The following LAMA3 variants were observed in gnomAD, a reference collection of about 807,000 sequenced individuals.
LAMA3 encodes the protein laminin subunit alpha 3, also known as laminin subunit alpha-3.
A neutral mutation model predicts 402.0 loss-of-function variants in LAMA3; 281 were observed. The ratio of observed to expected loss-of-function variants is 0.70; its 90% CI spans 0.63 to 0.77. The LOEUF is 0.77. LAMA3 is among the 30% of genes least tolerant of loss of function. The pLI, the probability that LAMA3 is intolerant of heterozygous loss-of-function variation, is 0.00. For synonymous variants in LAMA3, 1,431 were observed against 1,558.4 expected, an observed-to-expected ratio of 0.92 and a Z score of 1.93; for missense variants, 3,840 against 4,215.5, an observed-to-expected ratio of 0.91 and a Z score of 2.47.
chr18:23,932,374 C>T, intron 66 of LAMA3, 83 bp downstream of exon 66: 1 of 1,453,274 alleles, frequency 6.9e-7, no homozygotes, highest in East Asian at 2.3e-5. Flanking sequence ...TTAACAAAGT[C>T]AGCTTTGTCA....
chr18:23,907,995 G>A, intron 54 of LAMA3, 60 bp downstream of exon 54: 2 of 1,543,900 alleles, frequency 1.3e-6, no homozygotes, highest in East Asian at 2.2e-5. Context: ...ATGTGTTTTG[G>A]TCCATTTCCA....
chr18:23,750,432 G>GTT (rs66582854), intron 4 of LAMA3, among the ~76,000 whole-genome samples: 14 of 33,026 alleles, frequency 4.2e-4, no homozygotes, highest in Non-Finnish European at 6.0e-4. Context: ...GGTTTACACA[G>GTT]TTTTTTTTTT....
At chr18:23,737,896 G>C (rs2061501597) in intron 2 of LAMA3, among the ~76,000 whole-genome samples, 1 of 152,202 alleles carries the variant, frequency 6.6e-6, no homozygotes, top group Non-Finnish European at 1.5e-5. Flanking sequence ...CTACCCAGAG[G>C]GACCGCTCAG....
At chr18:23,808,843 T>G (rs979627709) in intron 12 of LAMA3, among the ~76,000 whole-genome samples, 4 of 152,184 alleles carry the variant, frequency 2.6e-5, no homozygotes, top group Admixed American at 6.5e-5. Context: ...GGGGGCCCCA[T>G]GCGCCAAGGC....
At chr18:23,861,566 T>C in intron 34 of LAMA3, 80 bp from the exon 35 acceptor site, 1 of 1,521,878 alleles carries the variant, frequency 6.6e-7, no homozygotes, top group Non-Finnish European at 9.1e-7. Context: ...TGGAGCTTTC[T>C]GTAGTACATC....
intron 2 of LAMA3, among the ~76,000 whole-genome samples, chr18:23,733,146 T>G (rs548463696): frequency 6.6e-6 from 1 of 152,180 alleles, no homozygotes; most frequent in Non-Finnish European, 1.5e-5. Flanking sequence ...CTTTGGCTTC[T>G]GGGGTTTCAC....
At chr18:23,796,005 C>A in intron 12 of LAMA3, 1 of 386,036 alleles carries the variant, frequency 2.6e-6, no homozygotes, top group Non-Finnish European at 5.1e-6. Flanking sequence ...CTCTCTCTCT[C>A]TCCCTCTACC....
At chr18:23,820,347 G>A (rs2063260781) in intron 19 of LAMA3, among the ~76,000 whole-genome samples, 2 of 152,176 alleles carry the variant, frequency 1.3e-5, no homozygotes, top group African/African-American at 2.4e-5. Context: ...GTGAGGGACA[G>A]TTTTCTTTAA....
intron 27 of LAMA3, among the ~76,000 whole-genome samples, chr18:23,840,313 A>G (rs570600192): frequency 6.8e-6 from 1 of 147,860 alleles, no homozygotes; most frequent in South Asian, 2.1e-4. Flanking sequence ...ATAGTTGTTT[A>G]TTAGTTTTCT....
At chr18:23,727,357 ACT>A (rs2061318351) in intron 2 of LAMA3, among the ~76,000 whole-genome samples, 1 of 151,842 alleles carries the variant, frequency 6.6e-6, no homozygotes, top group Non-Finnish European at 1.5e-5. Context: ...ATGGAGTCTC[ACT>A]CTGTCTCCCA....
At position 23,810,612 on chromosome 18, in the gene LAMA3, C is replaced by T. The variant is rs1312855051; in HGVS notation, c.1741+109C>T. 4.9e-6 allele frequency: 6 copies of T among 1,216,662 alleles called. No homozygotes were observed. In the East Asian group the frequency reaches 1.2e-4, roughly 24 times the overall value. 75.4% of individuals were successfully genotyped at this position (1,216,662 alleles called of 1,614,324 possible). On this transcript the variant is annotated intron_variant, in intron 13 of 74. Coordinates refer to ENST00000313654, the MANE Select transcript of LAMA3 (RefSeq NM_198129.4). ...CCACAGACTCACCACTGGCCACCCCCACATCCTGCTTTCACAGATCTAGTC... is the reference window on the plus strand; with the variant it reads ...CCACAGACTCACCACTGGCCACCCCTACATCCTGCTTTCACAGATCTAGTC...
chr18:23,815,086 A>G, intron 15 of LAMA3, 102 bp from the exon 16 acceptor site: 3 of 1,031,322 alleles, frequency 2.9e-6, no homozygotes, highest in Non-Finnish European at 4.6e-6. Context: ...TGCGCTGGCA[A>G]GGCCAACTGC....
intron 1 of LAMA3, chr18:23,709,832 A>C: frequency 1.5e-6 from 1 of 671,298 alleles, no homozygotes; most frequent in East Asian, 3.3e-5. Flanking sequence ...AGATGATCCC[A>C]ATTTTGTTGG....
intron 35 of LAMA3, among the ~76,000 whole-genome samples, chr18:23,862,010 C>T (rs2064236362): frequency 6.6e-6 from 1 of 152,226 alleles, no homozygotes; most frequent in Non-Finnish European, 1.5e-5. Context: ...CCACCATTGC[C>T]ATGCATGAGC....
rs2063538455 is a variant in LAMA3, at chr18:23,834,135, C to T, written c.2984+147C>T. 1.4e-5 allele frequency: 12 copies of T among 880,822 alleles called. No homozygotes were observed. In the East Asian group the frequency reaches 2.2e-4, roughly 16 times the overall value. 54.6% of individuals were successfully genotyped at this position (880,822 alleles called of 1,614,324 possible). ...GCAGGTGACTAGTTGTGTGGCCCAA[C>T]GTCATCACCAGTGTGGGTATTGGGA... On this transcript the variant is annotated intron_variant, in intron 24 of 74. Coordinates refer to ENST00000313654, the MANE Select transcript of LAMA3 (RefSeq NM_198129.4).
chr18:23,789,264 A>G (rs1283034193), intron 12 of LAMA3, among the ~76,000 whole-genome samples: 2 of 152,154 alleles, frequency 1.3e-5, no homozygotes, highest in African/African-American at 2.4e-5. Flanking sequence ...TAGTTTTGCT[A>G]TTCCTGAAAA....
At chr18:23,890,844 A>G (rs1304205769) in intron 42 of LAMA3, among the ~76,000 whole-genome samples, 2 of 152,194 alleles carry the variant, frequency 1.3e-5, no homozygotes, top group Non-Finnish European at 2.9e-5. Context: ...CCAGTCTAGA[A>G]TGGGGTATTT....
At chr18:23,783,527 A>G (rs574037142) in intron 11 of LAMA3, among the ~76,000 whole-genome samples, 2 of 152,272 alleles carry the variant, frequency 1.3e-5, no homozygotes, top group Admixed American at 1.3e-4. Context: ...AAAGCCCTGG[A>G]TAGAGGTACT....
At chr18:23,738,938 C>T (rs550110457) in intron 2 of LAMA3, among the ~76,000 whole-genome samples, 1 of 152,320 alleles carries the variant, frequency 6.6e-6, no homozygotes, top group Non-Finnish European at 1.5e-5. Context: ...GTTGGAGTTG[C>T]ATTCTGTTCC....
Sources: allele counts gnomAD v4.1 joint callset (sites outside exome capture counted in the v4.1 genomes callset), GRCh38; gene constraint gnomAD v4.1.1; transcripts MANE v1.5; gene names NCBI Gene and HGNC (gene_info 2026-07-23, HGNC 2026-07-21).